The following FAM120B variants were observed in gnomAD, a reference collection of about 807,000 sequenced individuals.
The protein encoded by FAM120B is constitutive coactivator of peroxisome proliferator-activated receptor gamma.
Under a neutral mutation model 96.3 loss-of-function variants are expected in FAM120B, and 83 were observed. The ratio of observed to expected loss-of-function variants is 0.86; its 90% confidence interval spans 0.72 to 1.03. FAM120B has a LOEUF of 1.03. FAM120B is among the 50% of genes least tolerant of loss of function. The probability of loss-of-function intolerance (pLI) is 0.00; values close to 1 mark genes in which losing one functional copy is unlikely to be tolerated. For missense variants in FAM120B, 1,027 were observed against 1,121.2 expected (o/e 0.92, Z 1.20); for synonymous variants, 407 against 402.7 (o/e 1.01, Z -0.13).
chr6:170,400,783 G>C (rs1366943096), intron 9 of FAM120B, among the ~76,000 whole-genome samples: 1 of 152,192 alleles, frequency 6.6e-6, no homozygotes, highest in African/African-American at 2.4e-5. Flanking sequence ...CAGTATCGCT[G>C]TTCTTGCAGA....
In FAM120B at chr6:170,334,087, G is replaced by A. The variant is rs1786252455; in HGVS notation, c.2017+3537G>A. Among the ~76,000 whole-genome samples, 4 of 152,292 alleles carry A rather than the reference G, an allele frequency of 2.6e-5. No homozygotes were observed. In the South Asian group the frequency reaches 8.3e-4, roughly 32 times the overall value. On this transcript the variant is annotated intron_variant, in intron 4 of 10. Transcript: ENST00000476287. ...TGCCTTTTCAGTCTCCAGAATTGGA[G>A]ATTTGTCAATTCTTCATTTTCAAAG...
At chr6:170,327,598 T>TG (rs1365686910) in intron 3 of FAM120B, among the ~76,000 whole-genome samples, 3 of 151,444 alleles carry the variant, frequency 2.0e-5, no homozygotes, top group African/African-American at 7.3e-5. Context: ...GATATGACCA[T>TG]GCTGCTGTAG....
At chr6:170,312,976 A>G (rs1377998544) in intron 1 of FAM120B, among the ~76,000 whole-genome samples, 1 of 152,236 alleles carries the variant, frequency 6.6e-6, no homozygotes, top group African/African-American at 2.4e-5. Context: ...TCTTGCTACA[A>G]GCCCCAGATT....
chr6:170,379,388 T>A (rs548577017), intron 6 of FAM120B, among the ~76,000 whole-genome samples: 1 of 152,340 alleles, frequency 6.6e-6, no homozygotes, highest in East Asian at 1.9e-4. Flanking sequence ...CATTGCTAGG[T>A]CTTAGGTACA....
At chr6:170,326,927 A>T (rs1346055005) in intron 3 of FAM120B, among the ~76,000 whole-genome samples, 2 of 151,940 alleles carry the variant, frequency 1.3e-5, no homozygotes. Context: ...TCTTTTTTTG[A>T]AGAGATAGGA....
At chr6:170,306,174 G>A (rs917948287), upstream of FAM120B, among the ~76,000 whole-genome samples, 1 of 152,228 alleles carries the variant, frequency 6.6e-6, no homozygotes, top group Non-Finnish European at 1.5e-5. Context: ...ACCCGGCCGA[G>A]AAGTGCTCAG....
chr6:170,396,100 C>G (rs761135693), intron 9 of FAM120B, among the ~76,000 whole-genome samples: 2 of 152,190 alleles, frequency 1.3e-5, no homozygotes, highest in East Asian at 3.8e-4. Context: ...AGTATTTGAG[C>G]TCAAATTCCG....
chr6:170,391,935 GTTC>G (rs1790503421), intron 8 of FAM120B, among the ~76,000 whole-genome samples: 2 of 152,120 alleles, frequency 1.3e-5, no homozygotes, highest in Non-Finnish European at 2.9e-5. Context: ...CGTTAACACC[GTTC>G]TTCTTAAACA....
At chr6:170,339,930 T>C (rs1358264196) in intron 4 of FAM120B, among the ~76,000 whole-genome samples, 2 of 152,206 alleles carry the variant, frequency 1.3e-5, no homozygotes, top group African/African-American at 4.8e-5. Flanking sequence ...CATTTTTTCC[T>C]TCATTTCAAC....
chr6:170,327,546 C>T (rs564589696), intron 3 of FAM120B, among the ~76,000 whole-genome samples: 59 of 151,848 alleles, frequency 3.9e-4, no homozygotes, highest in Non-Finnish European at 1.5e-4. Context: ...GAGGCTGCTC[C>T]GGTGAGTCCA....
chr6:170,343,882 A>G (rs1318483042), intron 4 of FAM120B, among the ~76,000 whole-genome samples: 2 of 152,180 alleles, frequency 1.3e-5, no homozygotes, highest in East Asian at 1.9e-4. Context: ...CTTACGTGTC[A>G]CGGCCTCTGA....
upstream of FAM120B, among the ~76,000 whole-genome samples, chr6:170,305,789 A>G (rs1300212295): frequency 6.6e-6 from 1 of 152,222 alleles, no homozygotes; most frequent in East Asian, 1.9e-4. Flanking sequence ...AACTGCAGCT[A>G]GAGGGGTGGA....
At chr6:170,354,993 C>T (rs1307499281) in intron 5 of FAM120B, among the ~76,000 whole-genome samples, 1 of 152,114 alleles carries the variant, frequency 6.6e-6, no homozygotes, top group Non-Finnish European at 1.5e-5. Context: ...CATCATTGAT[C>T]ACTAGAGAAA....
rs1305665621 is a variant in FAM120B at position 170,406,061 on chromosome 6, C to T, written c.*1310C>T. On this transcript the variant is annotated 3_prime_UTR_variant, in exon 11 of 11. Coordinates refer to ENST00000476287, the MANE Select transcript of FAM120B (RefSeq NM_032448.3). ...GTAATCCTTTTCATGGAAGAATCTT[C>T]AGGTCACCAAAGAATTGAAATTTTA... The T allele has an allele frequency of 6.6e-6, 1 of 152,190 alleles. No homozygotes were observed. The highest frequency in any genetic ancestry group is 6.5e-5 in the Admixed American group (1 of 15,278). 9.4% of individuals were successfully genotyped at this position (152,190 alleles called of 1,614,324 possible). A position where few individuals can be genotyped will look rare whatever the true frequency, so the allele number is the denominator to read the frequency against.
At chr6:170,310,348 T>C (rs1216726044) in intron 1 of FAM120B, among the ~76,000 whole-genome samples, 3 of 152,290 alleles carry the variant, frequency 2.0e-5, no homozygotes, top group Admixed American at 6.5e-5. Context: ...GGCTGGTGAC[T>C]GGGAATAATG....
At chr6:170,333,165 C>G (rs1254221368) in intron 4 of FAM120B, among the ~76,000 whole-genome samples, 1 of 149,036 alleles carries the variant, frequency 6.7e-6, no homozygotes, top group African/African-American at 2.5e-5. Context: ...CCCCACCGCC[C>G]CCCCGCCCCC....
upstream of FAM120B, among the ~76,000 whole-genome samples, chr6:170,304,062 T>C (rs1784200491): frequency 6.6e-6 from 1 of 152,246 alleles, no homozygotes; most frequent in African/African-American, 2.4e-5. Flanking sequence ...TGGGACTTCC[T>C]GTTTTTTAGG....
In FAM120B at chr6:170,368,205, C is replaced by T. The variant is rs1225299359; in HGVS notation, c.2283+9887C>T. Among the ~76,000 whole-genome samples the T allele has an allele frequency of 3.3e-5, 5 of 152,152 alleles. No individual in the cohort carries two copies. The South Asian group carries it at 6.2e-4, about 19-fold the overall frequency. ...GGGTTTTAGGCTCAGATTAGTGGAA[C>T]GGTTTGCACCAGGTCAAGGTATAGT... On this transcript the variant is annotated intron_variant, in intron 6 of 10. Transcript: ENST00000476287.
At chr6:170,359,562 T>C (rs1788202353) in intron 6 of FAM120B, among the ~76,000 whole-genome samples, 1 of 152,034 alleles carries the variant, frequency 6.6e-6, no homozygotes. Context: ...ACCACAGGCA[T>C]GCACCACCCT....
Sources: gnomAD v4.1 joint callset for allele counts (sites outside exome capture counted in the v4.1 genomes callset) on GRCh38, gnomAD v4.1.1 for gene constraint, MANE v1.5 for transcripts, NCBI Gene and HGNC (gene_info 2026-07-23, HGNC 2026-07-21) for gene names.